The following HSPH1 variants were observed in gnomAD, a reference collection of about 807,000 sequenced individuals.
HSPH1 encodes heat shock protein family H (Hsp110) member 1.
A neutral mutation model predicts 100.0 loss-of-function variants in HSPH1; 40 were observed. The ratio of observed to expected loss-of-function variants is 0.40; its 90% confidence interval spans 0.31 to 0.52. The LOEUF is 0.52. HSPH1 is among the 20% of genes least tolerant of loss of function. The pLI, the probability that HSPH1 is intolerant of heterozygous loss-of-function variation, is 0.54. For synonymous variants in HSPH1, 403 were observed against 344.0 expected (o/e 1.17, Z -1.90); for missense variants, 876 against 1,015.1 (o/e 0.86, Z 1.86).
intron 1 of HSPH1, among the ~76,000 whole-genome samples, chr13:31,160,825 C>A (rs1478894766): frequency 1.3e-5 from 2 of 152,202 alleles, no homozygotes; most frequent in Non-Finnish European, 2.9e-5. Context: ...TGATCCCGGG[C>A]ATTAAGGCCA....
Position 31,151,595 on chromosome 13 carries a change from A to C in HSPH1, c.663+14T>G, listed in dbSNP as rs4941772. ...AACGTGTTTTGGACACTGAGTTCCA[A>C]TGTATGACTTTACCTTCAATTTTCC... On this transcript the variant is annotated intron_variant, in intron 6 of 17. Coordinates refer to ENST00000320027, the MANE Select transcript of HSPH1 (RefSeq NM_006644.4). 671,694 of 1,604,792 alleles carry C rather than the reference A, an allele frequency of 0.42. 150,997 individuals are homozygous for C. Among genetic ancestry groups the C allele is most frequent in the Non-Finnish European group, 0.47 (554,341 of 1,175,636 alleles).
intron 2 of HSPH1, among the ~76,000 whole-genome samples, chr13:31,156,883 G>A (rs530233704): frequency 6.6e-6 from 1 of 152,198 alleles, no homozygotes; most frequent in East Asian, 1.9e-4. Flanking sequence ...TTAATCCACC[G>A]TTTTGGTCAA....
At chr13:31,156,214 C>A (rs1436183337) in intron 2 of HSPH1, among the ~76,000 whole-genome samples, 1 of 152,110 alleles carries the variant, frequency 6.6e-6, no homozygotes, top group East Asian at 1.9e-4. Context: ...CACGGTGAAA[C>A]CCCGTCTCTA....
rs2137534086 is a variant in HSPH1, at chr13:31,138,814, A to G, written c.2175T>C (p.His725=). 1 of 1,611,598 alleles carries G rather than the reference A, an allele frequency of 6.2e-7. No homozygotes were observed. The highest frequency in any genetic ancestry group is 8.5e-7 in the Non-Finnish European group (1 of 1,179,144). The change falls in exon 16 of 18, where the codon CAT becomes CAC. Residue 725 remains histidine, a synonymous_variant. Coordinates refer to ENST00000320027, the MANE Select transcript of HSPH1 (RefSeq NM_006644.4). The stretch of plus-strand genomic sequence containing the variant: ...TGAAGTCAGCTGCTATCTTGGCATA[A>G]TGCTGCAGCCTCTGTCCTAGTTCTT... ...MFEELGQRLQ[H]YAKIAADFRN...
At chr13:31,141,829 CATT>C (rs892152090) in intron 12 of HSPH1, among the ~76,000 whole-genome samples, 15 of 151,320 alleles carry the variant, frequency 9.9e-5, no homozygotes, top group Non-Finnish European at 1.6e-4. Flanking sequence ...CACACACACA[CATT>C]ATTACTATCC....
At chr13:31,161,987 C>T (rs1280643161), upstream of HSPH1, 1 of 1,536,070 alleles carries the variant, frequency 6.5e-7, no homozygotes, top group Non-Finnish European at 8.7e-7. Context: ...CTCACCGGCG[C>T]CTCCACCGGC....
chr13:31,147,482 C>T (rs1956306655), intron 10 of HSPH1, among the ~76,000 whole-genome samples: 2 of 151,864 alleles, frequency 1.3e-5, no homozygotes, highest in South Asian at 2.1e-4. Context: ...AGTGTCCCCC[C>T]AAAATATGTA....
At position 31,150,099 on chromosome 13, in the gene HSPH1, T is replaced by C. The variant is rs1251564864; in HGVS notation, c.992A>G (p.Lys331Arg). 3 of 1,613,674 alleles carry C rather than the reference T, an allele frequency of 1.9e-6. No homozygotes were observed. Among genetic ancestry groups the C allele is most frequent in the East Asian group, 2.2e-5 (1 of 44,866 alleles). The change falls in exon 8 of 18, where the codon AAA (lysine) becomes AGA (arginine). Residue 331 changes from lysine to arginine, a missense_variant. By Grantham distance (26) the Lys-to-Arg change is conservative (BLOSUM62 2). Coordinates refer to ENST00000320027, the MANE Select transcript of HSPH1 (RefSeq NM_006644.4). ...LYSLLEQTHL[K>R]VEDVSAVEIV... is the part of the protein sequence containing the mutation. Reference sequence around the variant, plus strand: ...CTCAACTGCACTCACATCTTCTACTTTGAGATGAGTTTGTTCCAACAGTGA... The same window carrying C: ...CTCAACTGCACTCACATCTTCTACTCTGAGATGAGTTTGTTCCAACAGTGA...
chr13:31,162,123 TG>T, upstream of HSPH1: 1 of 1,533,558 alleles, frequency 6.5e-7, no homozygotes, highest in Non-Finnish European at 8.7e-7. Context: ...CCCGTGCCAT[TG>T]GCTCAAACCT....
At position 31,137,310 on chromosome 13, in the gene HSPH1, A is replaced by T; in HGVS notation, c.*8T>A. 1 of 1,556,652 alleles carries T rather than the reference A, an allele frequency of 6.4e-7. No individual in the cohort carries two copies. Among genetic ancestry groups the T allele is most frequent in the Non-Finnish European group, 8.8e-7 (1 of 1,133,292 alleles). ...ATTAATTGAAGGAATAGGCCAATTT[A>T]AGGTTATCTAGTCCAAGTCCATATT... On this transcript the variant is annotated 3_prime_UTR_variant, in exon 18 of 18. Coordinates refer to ENST00000320027, the MANE Select transcript of HSPH1 (RefSeq NM_006644.4).
intron 13 of HSPH1, 80 bp downstream of exon 13, chr13:31,141,042 T>C: frequency 1.2e-6 from 1 of 853,082 alleles, no homozygotes; most frequent in Non-Finnish European, 1.7e-6. Context: ...ATTATGGCCA[T>C]TTATCTACTA....
chr13:31,145,844 G>A (rs1263405200), intron 10 of HSPH1, 76 bp from the exon 11 acceptor site: 67 of 1,388,856 alleles, frequency 4.8e-5, no homozygotes, highest in Non-Finnish European at 4.3e-5. Context: ...GAGGAGGCCA[G>A]GTGGGTGGTT....
chr13:31,161,309 C>A (rs1046560968), intron 1 of HSPH1, among the ~76,000 whole-genome samples, 167 bp downstream of exon 1: 1 of 152,238 alleles, frequency 6.6e-6, no homozygotes, highest in African/African-American at 2.4e-5. Context: ...GCAAGCCCCC[C>A]ATCCCTCCTC....
intron 4 of HSPH1, chr13:31,153,837 A>C (rs1413560073): frequency 1.4e-5 from 2 of 141,128 alleles, no homozygotes; most frequent in African/African-American, 6.0e-5. Context: ...AAATGTGGCA[A>C]AAAAAAAAAA....
At chr13:31,160,854 A>G (rs1362412957) in intron 1 of HSPH1, among the ~76,000 whole-genome samples, 1 of 152,230 alleles carries the variant, frequency 6.6e-6, no homozygotes, top group Admixed American at 6.5e-5. Flanking sequence ...AGCAACGAAG[A>G]GACTGGGTAA....
chr13:31,143,679 C>G (rs1297740060), intron 12 of HSPH1, 113 bp downstream of exon 12: 2 of 947,864 alleles, frequency 2.1e-6, no homozygotes, highest in African/African-American at 3.4e-5. Context: ...GAAAAAAATC[C>G]TACACAGAAC....
At chr13:31,148,528 A>T in intron 8 of HSPH1, 48 bp from the exon 9 acceptor site, 1 of 589,214 alleles carries the variant, frequency 1.7e-6, no homozygotes, top group Non-Finnish European at 2.6e-6. Flanking sequence ...CTTCCCAGTC[A>T]TCTTTTAATA....
intron 10 of HSPH1, among the ~76,000 whole-genome samples, chr13:31,147,557 G>T (rs565651314): frequency 6.6e-6 from 1 of 152,142 alleles, no homozygotes; most frequent in Admixed American, 6.5e-5. Context: ...ATTCACAATG[G>T]TCGCTGACTC....
intron 11 of HSPH1, among the ~76,000 whole-genome samples, chr13:31,144,884 G>GT (rs1956216244): frequency 6.6e-6 from 1 of 152,148 alleles, no homozygotes; most frequent in Admixed American, 6.5e-5. Context: ...TTCTAGAAAG[G>GT]TAACAGTGAT....
Sources: gnomAD v4.1 joint callset for allele counts (sites outside exome capture counted in the v4.1 genomes callset) on GRCh38, gnomAD v4.1.1 for gene constraint, MANE v1.5 for transcripts, NCBI Gene and HGNC (gene_info 2026-07-23, HGNC 2026-07-21) for gene names.